The following TRIM29 variants were observed in gnomAD, a reference collection of about 807,000 sequenced individuals.
The protein encoded by TRIM29 is tripartite motif-containing protein 29.
Under a neutral mutation model 57.3 loss-of-function variants are expected in TRIM29, and 52 were observed. That is an observed-to-expected ratio of 0.91 (90% CI 0.73 to 1.14). The LOEUF (loss-of-function observed/expected upper bound fraction) is 1.14. Ranked by LOEUF, TRIM29 falls within the 50% of genes most tolerant of loss-of-function variation. TRIM29 has a pLI of 0.00. For synonymous variants in TRIM29, 319 were observed against 316.9 expected (o/e 1.01, Z -0.07); for missense variants, 753 against 774.6 (o/e 0.97, Z 0.33).
At chr11:120,115,541 G>A in intron 7 of TRIM29, 127 bp from the exon 8 acceptor site, 1 of 823,016 alleles carries the variant, frequency 1.2e-6, no homozygotes, top group Non-Finnish European at 1.9e-6. Context: ...ACCAAATGCA[G>A]CCGTCTGAAC....
chr11:120,120,344 TACACACAC>T (rs71050727), intron 6 of TRIM29, among the ~76,000 whole-genome samples: 4,396 of 138,190 alleles, frequency 0.032, 103 homozygotes, highest in Middle Eastern at 0.046. Flanking sequence ...CCCACACATG[TACACACAC>T]ACACACACAC....
intron 1 of TRIM29, among the ~76,000 whole-genome samples, chr11:120,133,640 T>C (rs774390177): frequency 2.6e-5 from 4 of 152,206 alleles, no homozygotes; most frequent in Admixed American, 6.5e-5. Flanking sequence ...CCCTGGCCTT[T>C]AGCCTGGCTC....
At chr11:120,119,580 T>A (rs2134992797) in intron 6 of TRIM29, among the ~76,000 whole-genome samples, 1 of 152,296 alleles carries the variant, frequency 6.6e-6, no homozygotes, top group Non-Finnish European at 1.5e-5. Flanking sequence ...TCTGGGCCTG[T>A]AGCAGCGAAC....
chr11:120,116,328 C>G (rs1454350392), intron 7 of TRIM29: 1 of 152,338 alleles, frequency 6.6e-6, no homozygotes, highest in Non-Finnish European at 1.5e-5. Flanking sequence ...CAGCCATCAG[C>G]CTGCAGGGAC....
At chr11:120,129,555 T>A (rs504236) in intron 1 of TRIM29, among the ~76,000 whole-genome samples, 1 of 152,158 alleles carries the variant, frequency 6.6e-6, no homozygotes, top group African/African-American at 2.4e-5. Context: ...AAGGTGAGGA[T>A]GCCACAAACC....
chr11:120,118,254 G>A lies in TRIM29; in HGVS notation c.1596C>T (p.Val532=), dbSNP rs148515952. The A allele has an allele frequency of 2.0e-5, 32 of 1,613,890 alleles. No individual in the cohort carries two copies. The East Asian group carries it at 2.2e-4, about 11-fold the overall frequency. The change falls in exon 7 of 9, where the codon GTC becomes GTT. Residue 532 remains valine, a synonymous_variant. Coordinates refer to ENST00000341846, the MANE Select transcript of TRIM29 (RefSeq NM_012101.4). ...GGGAGAAGGAGGAGCTGCCTTGGAC[G>A]ACGGGCAGGTCATTGTCAGAGTTCT... The part of the protein sequence containing the change: ...SIQNSDNDLP[V]VQGSSSFSLK...
Position 120,137,711 on chromosome 11 carries a change from T to G in TRIM29, c.321A>C (p.Ala107=), listed in dbSNP as rs757236042. The change falls in exon 1 of 9, where the codon GCA becomes GCC. Residue 107 remains alanine (A), a synonymous_variant. Transcript: ENST00000341846. This position sits in a 1 kb window ranked among gnomAD's most constrained non-coding sequence, Gnocchi z 6.2. ...TCTTGGCAGCCCCCAGCTGGAGCCC[T>G]GCGTACGGCGACCTCTTGCCTTCCA... ...DSMEGKRSPY[A]GLQLGAAKKP... 5 of 1,612,986 alleles carry G rather than the reference T, an allele frequency of 3.1e-6. No individual in the cohort carries two copies. In the East Asian group the frequency reaches 1.1e-4, roughly 36 times the overall value.
chr11:120,117,975 G>C, intron 7 of TRIM29: 1 of 536,164 alleles, frequency 1.9e-6, no homozygotes, highest in Non-Finnish European at 3.4e-6. Context: ...GAGAGCTGTT[G>C]TTGCAGCGTG....
chr11:120,127,190 A>G (rs1863609152), intron 3 of TRIM29, 146 bp downstream of exon 3: 1 of 682,476 alleles, frequency 1.5e-6, no homozygotes, highest in South Asian at 1.9e-5. Flanking sequence ...GGATGAATGG[A>G]TGGATGGTTG....
chr11:120,131,000 G>A (rs998690080), intron 1 of TRIM29, among the ~76,000 whole-genome samples: 2 of 152,184 alleles, frequency 1.3e-5, no homozygotes, highest in Non-Finnish European at 2.9e-5. Context: ...TGGGCTGAAT[G>A]CAAGAGGGAA....
rs114030809 is a variant in TRIM29 at position 120,118,461 on chromosome 11, G to A, written c.1529-140C>T. 3.4e-3 allele frequency: 2,102 copies of A among 622,512 alleles called. 34 individuals are homozygous for A. In the African/African-American group the frequency reaches 0.034, roughly 10 times the overall value. 38.6% of individuals were successfully genotyped at this position (622,512 alleles called of 1,614,324 possible). A position where few individuals can be genotyped will look rare whatever the true frequency, so the allele number is the denominator to read the frequency against. ...GATGCCACTGTGTGATCCCAGTGAC[G>A]CCTCACCCCCATCCTTCTGCCACCA... On this transcript the variant is annotated intron_variant, in intron 6 of 8. Coordinates refer to ENST00000341846, the MANE Select transcript of TRIM29 (RefSeq NM_012101.4).
chr11:120,132,800 A>G (rs1440000354), intron 1 of TRIM29, among the ~76,000 whole-genome samples: 1 of 152,210 alleles, frequency 6.6e-6, no homozygotes, highest in East Asian at 1.9e-4. Flanking sequence ...GAAATGCTGG[A>G]TAGATTTCCC....
chr11:120,112,584 G>T (rs113131145), intron 8 of TRIM29, 108 bp from the exon 9 acceptor site: 4 of 1,191,972 alleles, frequency 3.4e-6, no homozygotes, highest in Non-Finnish European at 4.9e-6. Context: ...TCCAAGACCC[G>T]ACAATTCTAG....
intron 3 of TRIM29, chr11:120,126,128 G>A: frequency 1.9e-6 from 1 of 531,946 alleles, no homozygotes; most frequent in Non-Finnish European, 3.4e-6. Context: ...CCTCTAAAGT[G>A]GGTGCATCTG....
At chr11:120,121,159 CCT>C (rs1863435905) in intron 5 of TRIM29, among the ~76,000 whole-genome samples, 2 of 152,100 alleles carry the variant, frequency 1.3e-5, no homozygotes. Context: ...GTATTCTAGC[CCT>C]CTGTTACCTC....
chr11:120,137,713 C>T lies in TRIM29; in HGVS notation c.319G>A (p.Ala107Thr), dbSNP rs765392140. The stretch of plus-strand genomic sequence containing the variant: ...TTGGCAGCCCCCAGCTGGAGCCCTG[C>T]GTACGGCGACCTCTTGCCTTCCATA... ...DSMEGKRSPY[A>T]GLQLGAAKKP... is the part of the protein sequence containing the mutation. Residue 107 changes from alanine (A) to threonine (T), a missense_variant, in exon 1 of 9, where the codon GCA becomes ACA. Physicochemically the swap from Ala to Thr is moderately conservative, Grantham distance 58. Transcript: ENST00000341846. This position sits in a 1 kb window ranked among gnomAD's most constrained non-coding sequence, Gnocchi z 6.2. 4.3e-6 allele frequency: 7 copies of T among 1,612,906 alleles called. No individual in the cohort carries two copies. Among genetic ancestry groups the T allele is most frequent in the East Asian group, 4.5e-5 (2 of 44,844 alleles).
chr11:120,114,555 G>C (rs565334847), intron 8 of TRIM29, among the ~76,000 whole-genome samples: 1 of 152,212 alleles, frequency 6.6e-6, no homozygotes, highest in Non-Finnish European at 1.5e-5. Context: ...GGCAGTGGCC[G>C]ACTCCTGTAG....
chr11:120,115,341 C>A lies in TRIM29; in HGVS notation c.1701G>T (p.Met567Ile), dbSNP rs771462383. 2 of 1,613,336 alleles carry A rather than the reference C, an allele frequency of 1.2e-6. No individual in the cohort carries two copies. Among genetic ancestry groups the A allele is most frequent in the South Asian group, 2.2e-5 (2 of 90,770 alleles). The change falls in exon 8 of 9, where the codon ATG becomes ATT. Residue 567 changes from methionine (M) to isoleucine (I), a missense_variant. Physicochemically the swap from Met to Ile is conservative, Grantham distance 10. Coordinates refer to ENST00000341846, the MANE Select transcript of TRIM29 (RefSeq NM_012101.4). ...CTCCCGGCAGCACTTCCCTTACCAG[C>A]ATAGTCTGCTTGCCAGATTTCCAAG... is the stretch of plus-strand genomic sequence containing the variant. Reference protein sequence around the residue: ...PQTWKSGKQTMLSHYRPFYVN... With the variant: ...PQTWKSGKQTILSHYRPFYVN...
At chr11:120,125,934 G>A in intron 3 of TRIM29, 45 bp from the exon 4 acceptor site, 1 of 1,582,938 alleles carries the variant, frequency 6.3e-7, no homozygotes, top group Non-Finnish European at 8.6e-7. Context: ...GTCTTCATGA[G>A]CTATGAGGAC....
Sources: allele counts gnomAD v4.1 joint callset (sites outside exome capture counted in the v4.1 genomes callset), GRCh38; gene constraint gnomAD v4.1.1; non-coding constraint Gnocchi (gnomAD v3.1); transcripts MANE v1.5; gene names NCBI Gene and HGNC (gene_info 2026-07-23, HGNC 2026-07-21).